Variants in NXPH1 observed in about 807,000 individuals in gnomAD.
The protein encoded by NXPH1 is neurexophilin-1.
Under a neutral mutation model 23.7 loss-of-function variants are expected in NXPH1, and 5 were observed. The ratio of observed to expected loss-of-function variants is 0.21; its 90% CI spans 0.11 to 0.44. The LOEUF (loss-of-function observed/expected upper bound fraction) is 0.44. NXPH1 is among the 20% of genes least tolerant of loss of function. NXPH1 has a pLI of 0.99. For missense variants in NXPH1, 324 were observed against 321.6 expected (o/e 1.01, Z -0.06); for synonymous variants, 144 against 122.2 (o/e 1.18, Z -1.18).
intron 2 of NXPH1, among the ~76,000 whole-genome samples, chr7:8,650,166 GC>G (rs1820468417): frequency 1.3e-5 from 2 of 152,128 alleles, no homozygotes; most frequent in Admixed American, 1.3e-4. Context: ...ATCTGATCCA[GC>G]GTCTTTTGTT....
intron 2 of NXPH1, among the ~76,000 whole-genome samples, chr7:8,497,130 C>A (rs947022779): frequency 1.3e-5 from 2 of 152,048 alleles, no homozygotes; most frequent in African/African-American, 4.8e-5. Flanking sequence ...TCTGTCCTTG[C>A]GATAGTTTTC....
chr7:8,737,114 C>A (rs1385569847), intron 2 of NXPH1, among the ~76,000 whole-genome samples: 4 of 152,066 alleles, frequency 2.6e-5, no homozygotes, highest in African/African-American at 7.2e-5. Context: ...TTAATTGGAG[C>A]TTTTAGCCCA....
chr7:8,542,755 A>G (rs1243942105), intron 2 of NXPH1, among the ~76,000 whole-genome samples: 5 of 151,520 alleles, frequency 3.3e-5, no homozygotes, highest in Non-Finnish European at 5.9e-5. Context: ...ATCAACTCTC[A>G]CCTCAGGAGG....
intron 2 of NXPH1, among the ~76,000 whole-genome samples, chr7:8,624,517 G>T (rs1200051074): frequency 6.6e-6 from 1 of 152,036 alleles, no homozygotes; most frequent in African/African-American, 2.4e-5. Flanking sequence ...GTGGTGGAAA[G>T]AAAAAGTGAG....
At chr7:8,550,006 A>G (rs937658987) in intron 2 of NXPH1, among the ~76,000 whole-genome samples, 21 of 151,578 alleles carry the variant, frequency 1.4e-4, no homozygotes, top group Admixed American at 6.6e-5. Context: ...GGTGATATAT[A>G]TGTCTTATTT....
At chr7:8,659,926 CAG>C (rs1820645608) in intron 2 of NXPH1, among the ~76,000 whole-genome samples, 4 of 152,202 alleles carry the variant, frequency 2.6e-5, no homozygotes, top group Admixed American at 6.5e-5. Flanking sequence ...AATGATTGTG[CAG>C]ATAAACAATT....
At chr7:8,714,699 G>T (rs1193314076) in intron 2 of NXPH1, among the ~76,000 whole-genome samples, 1 of 152,112 alleles carries the variant, frequency 6.6e-6, no homozygotes, top group South Asian at 2.1e-4. Flanking sequence ...AAGGCAGCAG[G>T]TTCCTTTCTG....
chr7:8,582,107 G>A (rs1818888418), intron 2 of NXPH1, among the ~76,000 whole-genome samples: 2 of 152,210 alleles, frequency 1.3e-5, no homozygotes, highest in South Asian at 4.1e-4. Context: ...GTGACAGGCT[G>A]TTGCTGGATC....
chr7:8,730,686 T>A (rs1562467716), intron 2 of NXPH1, among the ~76,000 whole-genome samples: 1 of 152,228 alleles, frequency 6.6e-6, no homozygotes, highest in Non-Finnish European at 1.5e-5. Flanking sequence ...TCTTCTGGCT[T>A]GCGGAGTTTC....
chr7:8,577,373 C>T (rs1818774732), intron 2 of NXPH1, among the ~76,000 whole-genome samples: 1 of 152,214 alleles, frequency 6.6e-6, no homozygotes, highest in Admixed American at 6.5e-5. Context: ...CACTAACCTT[C>T]TCCTCAAAAC....
At chr7:8,728,490 T>C (rs1208071720) in intron 2 of NXPH1, among the ~76,000 whole-genome samples, 5 of 152,126 alleles carry the variant, frequency 3.3e-5, no homozygotes, top group Admixed American at 2.6e-4. Context: ...ATAGATAGCT[T>C]TTATTATTTT....
chr7:8,619,934 A>G (rs1252128449), intron 2 of NXPH1, among the ~76,000 whole-genome samples: 2 of 152,180 alleles, frequency 1.3e-5, no homozygotes, highest in African/African-American at 4.8e-5. Context: ...ATCTGGATCT[A>G]AAATCCAAGA....
intron 2 of NXPH1, among the ~76,000 whole-genome samples, chr7:8,679,074 A>C (rs1407435269): frequency 6.6e-6 from 1 of 150,414 alleles, no homozygotes; most frequent in Non-Finnish European, 1.5e-5. Flanking sequence ...CAACCTCCCG[A>C]GTAGCTGGGA....
intron 2 of NXPH1, among the ~76,000 whole-genome samples, chr7:8,528,636 G>A (rs1817902513): frequency 6.6e-6 from 1 of 152,274 alleles, no homozygotes; most frequent in Non-Finnish European, 1.5e-5. Flanking sequence ...TGAAGGAACA[G>A]CTTTAGTTTG....
At chr7:8,687,529 G>A (rs547614429) in intron 2 of NXPH1, among the ~76,000 whole-genome samples, 2 of 152,176 alleles carry the variant, frequency 1.3e-5, no homozygotes, top group South Asian at 4.1e-4. Context: ...TCTTTTTCCT[G>A]TAATATTTAT....
chr7:8,537,408 G>C (rs1040221451), intron 2 of NXPH1, among the ~76,000 whole-genome samples: 1 of 151,932 alleles, frequency 6.6e-6, no homozygotes, highest in Admixed American at 6.6e-5. Flanking sequence ...GGAAACTTAC[G>C]ATCGTAGCAG....
chr7:8,633,752 C>A (rs995927054), intron 2 of NXPH1, among the ~76,000 whole-genome samples: 1 of 152,198 alleles, frequency 6.6e-6, no homozygotes, highest in African/African-American at 2.4e-5. Context: ...CTTGCATGAG[C>A]TGACAACAAT....
intron 2 of NXPH1, among the ~76,000 whole-genome samples, chr7:8,527,822 C>T (rs1232078264): frequency 3.3e-5 from 5 of 152,120 alleles, no homozygotes; most frequent in Admixed American, 3.3e-4. Flanking sequence ...AAAAGGACAC[C>T]CACAACTTGA....
intron 2 of NXPH1, among the ~76,000 whole-genome samples, chr7:8,687,251 T>C (rs1821160835): frequency 6.6e-6 from 1 of 152,030 alleles, no homozygotes; most frequent in Admixed American, 6.6e-5. Flanking sequence ...TTGTAGAGGA[T>C]TGGGCACTGC....
Sources: allele counts gnomAD v4.1 joint callset (sites outside exome capture counted in the v4.1 genomes callset), GRCh38; gene constraint gnomAD v4.1.1; transcripts MANE v1.5; gene names NCBI Gene and HGNC (gene_info 2026-07-23, HGNC 2026-07-21).